The following MTMR8 variants were observed in gnomAD, a reference collection of about 807,000 sequenced individuals.
MTMR8 encodes the protein phosphatidylinositol-3,5-bisphosphate 3-phosphatase MTMR8.
MTMR8 carries 65 observed loss-of-function variants against 39.3 expected under a neutral mutation model. That is an observed-to-expected ratio of 1.65 (90% CI 1.35 to 2.03). The LOEUF (loss-of-function observed/expected upper bound fraction) is 2.03. Ranked by LOEUF, MTMR8 falls within the 30% of genes most tolerant of loss-of-function variation. MTMR8 has a pLI of 0.00. For missense variants in MTMR8, 777 were observed against 538.9 expected, an observed-to-expected ratio of 1.44 and a Z score of -4.37; for synonymous variants, 245 against 185.2, an observed-to-expected ratio of 1.32 and a Z score of -2.62.
At position 64,268,347 on chromosome X, in the gene MTMR8, C is replaced by T. The variant is rs1202987696; in HGVS notation, c.*190G>A. 5 of 455,073 alleles carry T rather than the reference C, an allele frequency of 1.1e-5. No individual in the cohort carries two copies. The highest frequency in any genetic ancestry group is 4.2e-5 in the Admixed American group (1 of 23,627). 37.5% of individuals were successfully genotyped at this position (455,073 alleles called of 1,213,427 possible). On this transcript the variant is annotated 3_prime_UTR_variant, in exon 14 of 14. Transcript: ENST00000374852. ...TAACATATTCTTTCTCTTGCCTACA[C>T]TCTGTACTGCTTAATATGAACATAT...
At chrX:64,366,761 C>A (rs1336782068) in intron 1 of MTMR8, among the ~76,000 whole-genome samples, 4 of 111,169 alleles carry the variant, frequency 3.6e-5, no homozygotes, top group Non-Finnish European at 7.5e-5. Flanking sequence ...AAGATCAGAG[C>A]AGAACCGAAG....
At chrX:64,390,784 T>C (rs937256280) in intron 1 of MTMR8, among the ~76,000 whole-genome samples, 1 of 109,812 alleles carries the variant, frequency 9.1e-6, no homozygotes, top group Non-Finnish European at 1.9e-5. Context: ...GCCTCTCGAG[T>C]AGCTGAGACC....
intron 12 of MTMR8, among the ~76,000 whole-genome samples, chrX:64,325,503 A>T (rs1922765768): frequency 8.9e-6 from 1 of 112,275 alleles, no homozygotes; most frequent in Non-Finnish European, 1.9e-5. Flanking sequence ...CAATCAATAA[A>T]TGTGACACAG....
intron 1 of MTMR8, among the ~76,000 whole-genome samples, chrX:64,385,264 G>T (rs1447533648): frequency 9.0e-6 from 1 of 111,573 alleles, no homozygotes. Context: ...CATCAGCCTG[G>T]ACTTCATTGT....
chrX:64,273,501 AAC>A (rs1452882820), intron 12 of MTMR8, among the ~76,000 whole-genome samples: 1 of 111,316 alleles, frequency 9.0e-6, no homozygotes, highest in African/African-American at 3.3e-5. Flanking sequence ...AAACAAAAAA[AAC>A]AAAACATAAA....
intron 11 of MTMR8, among the ~76,000 whole-genome samples, chrX:64,330,817 A>T (rs1922920042): frequency 8.9e-6 from 1 of 111,962 alleles, no homozygotes. Context: ...ATGAGAAAAT[A>T]GTCTAGTATT....
chrX:64,380,433 T>G (rs1195405832), intron 1 of MTMR8, among the ~76,000 whole-genome samples: 6 of 112,696 alleles, frequency 5.3e-5, no homozygotes, highest in Admixed American at 1.9e-4. Context: ...CCTCAAAGGT[T>G]AACTTAATTG....
intron 1 of MTMR8, among the ~76,000 whole-genome samples, chrX:64,377,883 T>C (rs1354492482): frequency 8.9e-6 from 1 of 111,978 alleles, no homozygotes; most frequent in African/African-American, 3.2e-5. Flanking sequence ...TTGGTGAGGG[T>C]AATTGGATCA....
At chrX:64,274,451 G>A (rs748725635) in intron 12 of MTMR8, among the ~76,000 whole-genome samples, 9 of 112,039 alleles carry the variant, frequency 8.0e-5, no homozygotes, top group South Asian at 3.7e-4. Flanking sequence ...ATGCAGCAAA[G>A]GCAGTATTAA....
chrX:64,328,114 G>A (rs952102634), intron 12 of MTMR8, among the ~76,000 whole-genome samples: 12 of 111,959 alleles, frequency 1.1e-4, no homozygotes, highest in Admixed American at 2.8e-4. Flanking sequence ...ACTCAATAGT[G>A]AAAGACTGAA....
At chrX:64,381,009 C>T (rs947168861) in intron 1 of MTMR8, among the ~76,000 whole-genome samples, 1 of 111,955 alleles carries the variant, frequency 8.9e-6, no homozygotes, top group Non-Finnish European at 1.9e-5. Context: ...GGACATTTGG[C>T]TTGGTTCCAA....
At chrX:64,312,800 A>T (rs1349510734) in intron 12 of MTMR8, among the ~76,000 whole-genome samples, 2 of 112,337 alleles carry the variant, frequency 1.8e-5, no homozygotes, top group African/African-American at 6.5e-5. Flanking sequence ...CCATGAAAAC[A>T]TTCATCTGCA....
chrX:64,364,591 C>G lies in MTMR8; in HGVS notation c.25-5064G>C, dbSNP rs189472743. On this transcript the variant is annotated intron_variant, in intron 1 of 13. Transcript: ENST00000374852. ...TCATCAACAAAAAGGACGTCCACAC[C>G]AAAATCCCATCTGTACGTAACCAGC... 6.3e-5 allele frequency among the ~76,000 whole-genome samples: 7 copies of G among 111,545 alleles called. No homozygotes were observed. In the East Asian group the frequency reaches 2.0e-3, roughly 32 times the overall value.
intron 12 of MTMR8, among the ~76,000 whole-genome samples, chrX:64,317,283 T>A (rs1300971190): frequency 9.0e-6 from 1 of 111,301 alleles, no homozygotes; most frequent in Non-Finnish European, 1.9e-5. Flanking sequence ...ATTTGAGTGC[T>A]TTTTGAGGTT....
At chrX:64,386,645 T>G (rs1422960760) in intron 1 of MTMR8, among the ~76,000 whole-genome samples, 1 of 111,817 alleles carries the variant, frequency 8.9e-6, no homozygotes, top group East Asian at 2.8e-4. Flanking sequence ...TTTCCTTACC[T>G]GATGGGGAAG....
At chrX:64,386,318 G>T (rs915486686) in intron 1 of MTMR8, among the ~76,000 whole-genome samples, 2 of 111,826 alleles carry the variant, frequency 1.8e-5, no homozygotes, top group Non-Finnish European at 3.8e-5. Context: ...CTAAAGGGTG[G>T]CTGGAGAAGC....
intron 12 of MTMR8, among the ~76,000 whole-genome samples, chrX:64,280,164 T>C (rs1351326446): frequency 8.9e-6 from 1 of 111,815 alleles, no homozygotes; most frequent in African/African-American, 3.2e-5. Context: ...TTCCAAACAA[T>C]TGAAAAGGAA....
At chrX:64,283,651 A>G (rs1351916144) in intron 12 of MTMR8, among the ~76,000 whole-genome samples, 1 of 112,470 alleles carries the variant, frequency 8.9e-6, no homozygotes, top group Admixed American at 9.4e-5. Flanking sequence ...TCATACAGCA[A>G]CATTTGCTGT....
chrX:64,384,573 C>A (rs998031543), intron 1 of MTMR8, among the ~76,000 whole-genome samples: 1 of 112,498 alleles, frequency 8.9e-6, no homozygotes, highest in Admixed American at 9.4e-5. Context: ...CTTTTGCAAT[C>A]TGTGCCCCTG....
Sources: allele counts gnomAD v4.1 joint callset (sites outside exome capture counted in the v4.1 genomes callset), GRCh38; gene constraint gnomAD v4.1.1; transcripts MANE v1.5; gene names NCBI Gene and HGNC (gene_info 2026-07-23, HGNC 2026-07-21).